The following ZNF550 variants were observed in gnomAD, a reference collection of about 807,000 sequenced individuals.
The protein encoded by ZNF550 is zinc finger protein 550.
In ZNF550, 42 loss-of-function variants were observed where a neutral mutation model predicts 40.2. That is an observed-to-expected ratio of 1.05 (90% CI 0.82 to 1.35). The LOEUF is 1.35. Among genes scored for constraint, ZNF550 ranks in the 40% most tolerant of loss-of-function variants. ZNF550 has a pLI of 0.00. For missense variants in ZNF550, 549 were observed against 525.2 expected, an observed-to-expected ratio of 1.05 and a Z score of -0.44; for synonymous variants, 223 against 198.6, an observed-to-expected ratio of 1.12 and a Z score of -1.03.
In ZNF550 at chr19:57,542,674, A is replaced by G. The variant is rs540153309; in HGVS notation, c.*1088T>C. 23 of 152,120 alleles carry G rather than the reference A, an allele frequency of 1.5e-4. 1 individual carries two copies. Among genetic ancestry groups the G allele is most frequent in the African/African-American group, 4.8e-4 (20 of 41,462 alleles). 9.4% of individuals were successfully genotyped at this position (152,120 alleles called of 1,614,324 possible). On this transcript the variant is annotated 3_prime_UTR_variant, in exon 5 of 5. Transcript: ENST00000457177. The stretch of plus-strand genomic sequence containing the variant: ...ATTTAATACCACAAAAACTCCAAAG[A>G]AAAAAAACCAAAACAACCCAGACAC...
At chr19:57,556,575 G>A (rs2090123530) in intron 1 of ZNF550, 1 of 482,338 alleles carries the variant, frequency 2.1e-6, no homozygotes, top group Admixed American at 3.7e-5. Flanking sequence ...GGAAGCTGTT[G>A]AAGATGACAC....
chr19:57,558,748 G>T (rs1301261932), intron 1 of ZNF550, among the ~76,000 whole-genome samples: 3 of 152,122 alleles, frequency 2.0e-5, no homozygotes, highest in African/African-American at 7.2e-5. Flanking sequence ...AGGTGGATGA[G>T]AAATTAACAA....
exon 4 of ZNF550, chr19:57,547,349 G>A (rs144066628): frequency 4.7e-4 from 764 of 1,613,010 alleles, no homozygotes; most frequent in African/African-American, 1.4e-3. Flanking sequence ...AAAGTAGACC[G>A]GTGGGTGAAG....
At chr19:57,543,737 A>T in intron 4 of ZNF550, 1 of 559,714 alleles carries the variant, frequency 1.8e-6, no homozygotes, top group Non-Finnish European at 2.3e-6. Flanking sequence ...AGAGTTCAAG[A>T]CCAGCCTGGC....
chr19:57,550,071 C>T (rs372733374), intron 3 of ZNF550, among the ~76,000 whole-genome samples: 9 of 152,176 alleles, frequency 5.9e-5, no homozygotes, highest in African/African-American at 9.7e-5. Flanking sequence ...TTCATTGCTG[C>T]GCTGGGCAAT....
intron 3 of ZNF550, among the ~76,000 whole-genome samples, chr19:57,551,014 T>C (rs1018286214): frequency 1.3e-5 from 2 of 152,170 alleles, no homozygotes; most frequent in Non-Finnish European, 2.9e-5. Context: ...TGGTTTTGTA[T>C]TGTGCACACT....
chr19:57,559,969 T>G (rs945842193), upstream of ZNF550: 4 of 383,022 alleles, frequency 1.0e-5, no homozygotes, highest in South Asian at 5.1e-4. Context: ...TCTTTTTCCT[T>G]TTTTATTATG....
chr19:57,544,224 A>T, intron 4 of ZNF550: 1 of 985,464 alleles, frequency 1.0e-6, no homozygotes. Flanking sequence ...CAGGTGTCTC[A>T]TGAGATTCTT....
Position 57,556,219 on chromosome 19 carries a change from G to A in ZNF550, c.154+12C>T, listed in dbSNP as rs182891525. 56 of 1,613,960 alleles carry A rather than the reference G, an allele frequency of 3.5e-5. No homozygotes were observed. The East Asian group carries it at 1.2e-3, about 33-fold the overall frequency. On this transcript the variant is annotated intron_variant, in intron 2 of 4. Transcript: ENST00000457177. Reference sequence around the variant, plus strand: ...TTAGGGTCCTCCTCAGGGATGAGAGGTGAGTCATTACCTAGTGAAACCAGA... The same window carrying A: ...TTAGGGTCCTCCTCAGGGATGAGAGATGAGTCATTACCTAGTGAAACCAGA...
chr19:57,541,972 T>C (rs1344492279), exon 5 of ZNF550: 1 of 152,082 alleles, frequency 6.6e-6, no homozygotes, highest in African/African-American at 2.4e-5. Context: ...GCCCATATAA[T>C]ATACTTGAAA....
intron 1 of ZNF550, chr19:57,556,986 G>A (rs1370893661): frequency 6.5e-6 from 1 of 152,710 alleles, no homozygotes; most frequent in Non-Finnish European, 1.5e-5. Context: ...CGGGTACCCA[G>A]GGACACAATG....
At chr19:57,557,655 A>G (rs12981748) in intron 1 of ZNF550, 37,014 of 151,836 alleles carry the variant, frequency 0.24, 4,792 homozygotes, top group Middle Eastern at 0.33. Context: ...TCTCATCTCC[A>G]CCTTGCAAGA....
chr19:57,547,882 G>C lies in ZNF550; in HGVS notation c.362C>G (p.Ser121Trp), dbSNP rs767802802. 4 of 1,613,908 alleles carry C rather than the reference G, an allele frequency of 2.5e-6. No homozygotes were observed. The Admixed American group carries it at 6.7e-5, about 27-fold the overall frequency. The change falls in exon 4 of 5, where the codon TCG (serine) becomes TGG (tryptophan). Residue 121 changes from serine to tryptophan, a missense_variant. Physicochemically the swap from Ser to Trp is radical, Grantham distance 177 (BLOSUM62 -3). Transcript: ENST00000457177. ...CTCATCCCTAGCTCTCCCCAACCTC[G>C]AATCACTTGAGGTTGAAGATTCCAG...
rs528947753 is a variant in ZNF550, at chr19:57,547,850, G to C, written c.394C>G (p.Leu132Val). 29 of 1,614,040 alleles carry C rather than the reference G, an allele frequency of 1.8e-5. No individual in the cohort carries two copies. In the African/African-American group the frequency reaches 2.1e-4, roughly 12 times the overall value. Reference sequence around the variant, plus strand: ...ACTTTACCTTTCTGCATTTCCAAAAGCCCTTCCTCATCCCTAGCTCTCCCC... The same window carrying C: ...ACTTTACCTTTCTGCATTTCCAAAACCCCTTCCTCATCCCTAGCTCTCCCC... Residue 132 changes from leucine (L) to valine (V), a missense_variant, in exon 4 of 5, where the codon CTT becomes GTT. Leu to Val is a conservative substitution (Grantham distance 32, BLOSUM62 1). Transcript: ENST00000457177.
intron 2 of ZNF550, 73 bp downstream of exon 2, chr19:57,556,158 G>A: frequency 2.5e-6 from 4 of 1,603,302 alleles, no homozygotes; most frequent in Non-Finnish European, 3.4e-6. Context: ...AAGGTGGGCA[G>A]TTCCAGTGAC....
chr19:57,551,059 CA>C (rs1189132999), intron 3 of ZNF550, among the ~76,000 whole-genome samples: 2 of 151,926 alleles, frequency 1.3e-5, no homozygotes, highest in African/African-American at 4.8e-5. Flanking sequence ...AAGGTACAGA[CA>C]AAGCAGAGAT....
chr19:57,544,959 T>G (rs2089995156), intron 4 of ZNF550, among the ~76,000 whole-genome samples: 2 of 152,046 alleles, frequency 1.3e-5, no homozygotes, highest in African/African-American at 4.8e-5. Context: ...CTGTCTCTAC[T>G]AAAAATACAA....
chr19:57,556,198 G>T, intron 2 of ZNF550, 33 bp downstream of exon 2: 1 of 1,613,570 alleles, frequency 6.2e-7, no homozygotes, highest in South Asian at 1.1e-5. Flanking sequence ...TCAGGGTTAG[G>T]GTCCTCCTCA....
At chr19:57,547,794 G>A (rs2090035462) in exon 4 of ZNF550, 10 of 1,614,002 alleles carry the variant, frequency 6.2e-6, no homozygotes, top group Non-Finnish European at 8.5e-6. Flanking sequence ...TCCCAAGATG[G>A]GTCTCCTTGT....
Sources: gnomAD v4.1 joint callset for allele counts (sites outside exome capture counted in the v4.1 genomes callset) on GRCh38, gnomAD v4.1.1 for gene constraint, MANE v1.5 for transcripts, NCBI Gene and HGNC (gene_info 2026-07-23, HGNC 2026-07-21) for gene names.